The following FBXL17 variants were observed in gnomAD, a reference collection of about 807,000 sequenced individuals.
FBXL17 encodes F-box/LRR-repeat protein 17.
In FBXL17, 22 loss-of-function variants were observed where a neutral mutation model predicts 66.2. The ratio of observed to expected loss-of-function variants is 0.33; its 90% CI spans 0.24 to 0.47. The LOEUF (loss-of-function observed/expected upper bound fraction) is 0.47, where lower values mean the gene tolerates loss of function less well. Among genes scored for constraint, FBXL17 ranks in the 20% least tolerant of loss-of-function variants. The probability of loss-of-function intolerance (pLI) is 1.00; values close to 1 mark genes in which losing one functional copy is unlikely to be tolerated. For synonymous variants in FBXL17, 474 were observed against 400.5 expected, an observed-to-expected ratio of 1.18 and a Z score of -2.19; for missense variants, 878 against 948.2, an observed-to-expected ratio of 0.93 and a Z score of 0.97.
intron 7 of FBXL17, among the ~76,000 whole-genome samples, chr5:107,922,074 C>T (rs1312077981): frequency 2.0e-5 from 3 of 152,130 alleles, no homozygotes; most frequent in Non-Finnish European, 1.5e-5. Context: ...TGCTTTTTCC[C>T]TTAGCGTATG....
At chr5:108,150,811 T>G (rs769343664) in intron 6 of FBXL17, among the ~76,000 whole-genome samples, 2 of 152,222 alleles carry the variant, frequency 1.3e-5, no homozygotes, top group Non-Finnish European at 2.9e-5. Flanking sequence ...GGTGGTGATA[T>G]CTGATCAACT....
At chr5:108,041,606 C>T (rs1418272517) in intron 6 of FBXL17, among the ~76,000 whole-genome samples, 3 of 151,766 alleles carry the variant, frequency 2.0e-5, no homozygotes, top group Non-Finnish European at 4.4e-5. Flanking sequence ...TTAGTGGAGA[C>T]GAGGTCTCAC....
chr5:108,360,786 TTCTTTC>T (rs1387573135), intron 3 of FBXL17, among the ~76,000 whole-genome samples: 1 of 152,118 alleles, frequency 6.6e-6, no homozygotes, highest in Non-Finnish European at 1.5e-5. Context: ...TCACTCTTTT[TTCTTTC>T]TCTTTCTTAG....
At chr5:108,309,267 A>G in intron 4 of FBXL17, among the ~76,000 whole-genome samples, 1 of 152,046 alleles carries the variant, frequency 6.6e-6, no homozygotes, top group Admixed American at 6.5e-5. Context: ...TTTAATATTA[A>G]AATACATACA....
chr5:107,975,845 T>TTTG (rs1158198710), intron 7 of FBXL17, among the ~76,000 whole-genome samples: 3 of 70,686 alleles, frequency 4.2e-5, no homozygotes, highest in Non-Finnish European at 8.9e-5. Context: ...TTAGAGGGTT[T>TTTG]TTGTTGTTGT....
At chr5:108,053,171 T>C (rs557061856) in intron 6 of FBXL17, among the ~76,000 whole-genome samples, 1 of 152,174 alleles carries the variant, frequency 6.6e-6, no homozygotes, top group Admixed American at 6.5e-5. Flanking sequence ...CAAAAGCAAC[T>C]GCAACAAAAG....
chr5:107,996,826 A>C (rs1271273808), intron 7 of FBXL17, among the ~76,000 whole-genome samples: 1 of 152,206 alleles, frequency 6.6e-6, no homozygotes, highest in Non-Finnish European at 1.5e-5. Flanking sequence ...GCTTGCCTCC[A>C]AAGCATTGAA....
rs569511183 is a variant in FBXL17 at position 108,343,716 on chromosome 5, C to T, written c.1506+4683G>A. Among the ~76,000 whole-genome samples, 5 of 152,188 alleles carry T rather than the reference C, an allele frequency of 3.3e-5. No homozygotes were observed. The East Asian group carries it at 9.7e-4, about 29-fold the overall frequency. ...CTACTCTAGTTGATTATCAACATGG[C>T]TACCAATTTTTTCACCTAACTGCTA... On this transcript the variant is annotated intron_variant, in intron 4 of 8. Transcript: ENST00000542267.
chr5:108,276,781 T>C (rs1282123519), intron 4 of FBXL17, among the ~76,000 whole-genome samples: 1 of 152,152 alleles, frequency 6.6e-6, no homozygotes, highest in Non-Finnish European at 1.5e-5. Flanking sequence ...GAAAAAAAAT[T>C]ATTATTCAAG....
intron 6 of FBXL17, among the ~76,000 whole-genome samples, chr5:108,121,169 A>G (rs1750479073): frequency 6.6e-6 from 1 of 152,014 alleles, no homozygotes; most frequent in Admixed American, 6.6e-5. Flanking sequence ...CTCTATTGAA[A>G]ATACAAAAAT....
chr5:108,170,555 C>T (rs1014633203), intron 6 of FBXL17, among the ~76,000 whole-genome samples: 1 of 151,872 alleles, frequency 6.6e-6, no homozygotes, highest in Non-Finnish European at 1.5e-5. Context: ...TTTTTTGAGA[C>T]AAGAGTCTCA....
intron 4 of FBXL17, among the ~76,000 whole-genome samples, chr5:108,264,958 G>C (rs942852515): frequency 1.3e-5 from 2 of 151,258 alleles, no homozygotes; most frequent in Non-Finnish European, 3.0e-5. Flanking sequence ...ATTTTTATTG[G>C]CATTGTCATA....
chr5:108,009,259 T>TAACA (rs1491338610), intron 7 of FBXL17, among the ~76,000 whole-genome samples: 1 of 10,088 alleles, frequency 9.9e-5, no homozygotes, highest in Non-Finnish European at 2.0e-4. Flanking sequence ...TTGTTCCCTG[T>TAACA]TTTATATATA....
intron 7 of FBXL17, among the ~76,000 whole-genome samples, chr5:107,901,302 C>A (rs1158218317): frequency 6.6e-6 from 1 of 152,134 alleles, no homozygotes; most frequent in East Asian, 1.9e-4. Flanking sequence ...TAAATACGGA[C>A]AATTTCAAAT....
At chr5:107,988,966 T>A (rs1753124547) in intron 7 of FBXL17, among the ~76,000 whole-genome samples, 1 of 152,048 alleles carries the variant, frequency 6.6e-6, no homozygotes, top group African/African-American at 2.4e-5. Context: ...TCATGGCTAT[T>A]TGCCCATGGG....
chr5:108,106,004 C>T (rs1295081095), intron 6 of FBXL17, among the ~76,000 whole-genome samples: 2 of 152,056 alleles, frequency 1.3e-5, no homozygotes, highest in African/African-American at 4.8e-5. Flanking sequence ...AGGGTTAATC[C>T]TATTTTAAAT....
intron 6 of FBXL17, among the ~76,000 whole-genome samples, chr5:108,074,781 T>C (rs181899599): frequency 1.5e-3 from 221 of 152,348 alleles, no homozygotes; most frequent in Non-Finnish European, 2.6e-3. Flanking sequence ...GATTACTTTG[T>C]ACTATGAGAG....
chr5:108,317,797 AAC>A (rs1227842843), intron 4 of FBXL17, among the ~76,000 whole-genome samples: 1 of 151,488 alleles, frequency 6.6e-6, no homozygotes, highest in African/African-American at 2.4e-5. Context: ...AGTCAAATGG[AAC>A]AGTATTCTTT....
Position 108,272,497 on chromosome 5 carries a change from G to A in FBXL17, c.1507-48269C>T, listed in dbSNP as rs534767122. ...GCCTCCCAAGTAGCTGGGACTACAG[G>A]CATGTGCTACCATGCCTGGCTAAAA... is the stretch of plus-strand genomic sequence containing the variant. On this transcript the variant is annotated intron_variant, in intron 4 of 8. Transcript: ENST00000542267. Among the ~76,000 whole-genome samples the A allele has an allele frequency of 3.4e-4, 51 of 151,844 alleles. 1 individual carries two copies. Among genetic ancestry groups the A allele is most frequent in the African/African-American group, 1.2e-3 (49 of 41,450 alleles).
Sources: gnomAD v4.1 joint callset for allele counts (sites outside exome capture counted in the v4.1 genomes callset) on GRCh38, gnomAD v4.1.1 for gene constraint, MANE v1.5 for transcripts, NCBI Gene and HGNC (gene_info 2026-07-23, HGNC 2026-07-21) for gene names.